Variants in SNX30 observed in about 807,000 individuals in gnomAD.
SNX30 encodes sorting nexin-30.
SNX30 carries 24 observed loss-of-function variants against 46.4 expected under a neutral mutation model. The ratio of observed to expected loss-of-function variants is 0.52; its 90% confidence interval spans 0.37 to 0.73. SNX30 has a LOEUF of 0.73. SNX30 is among the 30% of genes least tolerant of loss of function. The pLI is 0.00. For synonymous variants in SNX30, 189 were observed against 211.5 expected, an observed-to-expected ratio of 0.89 and a Z score of 0.92; for missense variants, 533 against 555.7, an observed-to-expected ratio of 0.96 and a Z score of 0.41.
chr9:112,776,423 C>A lies in SNX30; in HGVS notation c.156+25266C>A, dbSNP rs1336950692. 4.6e-5 allele frequency among the ~76,000 whole-genome samples: 7 copies of A among 152,254 alleles called. No individual in the cohort carries two copies. In the South Asian group the frequency reaches 8.3e-4, roughly 18 times the overall value. ...TGTTTAGTGTTCCCATGTTTTTGGA[C>A]CTCCTCTGACTGTGATATCTAGATG... is the stretch of plus-strand genomic sequence containing the variant. On this transcript the variant is annotated intron_variant, in intron 1 of 8. Transcript: ENST00000374232.
chr9:112,852,453 C>T (rs542239546), intron 7 of SNX30, among the ~76,000 whole-genome samples: 30 of 152,270 alleles, frequency 2.0e-4, no homozygotes, highest in Admixed American at 5.2e-4. Context: ...TGAACATTCA[C>T]AGATTTTGAT....
Position 112,750,917 on chromosome 9 carries a change from G to A in SNX30, c.-85G>A, listed in dbSNP as rs1386035362. The A allele has an allele frequency of 3.6e-5, 41 of 1,124,750 alleles. No homozygotes were observed. The East Asian group carries it at 1.4e-3, about 37-fold the overall frequency. The allele number at this position is 1,124,750 out of a possible 1,614,324, so 69.7% of individuals were successfully genotyped here. A position where few individuals can be genotyped will look rare whatever the true frequency, so the allele number is the denominator to read the frequency against. ...GCCTCGGGTTAAGCGGCGGCCGAGC[G>A]GGGCTCGGCCCGGGGTGCTCGGGGA... On this transcript the variant is annotated 5_prime_UTR_variant, in exon 1 of 9. Transcript: ENST00000374232.
At chr9:112,765,409 A>G (rs1191090806) in intron 1 of SNX30, among the ~76,000 whole-genome samples, 5 of 152,222 alleles carry the variant, frequency 3.3e-5, no homozygotes, top group Non-Finnish European at 5.9e-5. Flanking sequence ...CATTTTCATC[A>G]TCTCAAAAAG....
At position 112,804,960 on chromosome 9, in the gene SNX30, C is replaced by A. The variant is rs1466991647; in HGVS notation, c.341C>A (p.Thr114Asn). 3 of 1,590,730 alleles carry A rather than the reference C, an allele frequency of 1.9e-6. No homozygotes were observed. Among genetic ancestry groups the A allele is most frequent in the Non-Finnish European group, 2.6e-6 (3 of 1,164,966 alleles). Residue 114 changes from threonine to asparagine, a missense_variant, in exon 2 of 9, where the codon ACC becomes AAC. Physicochemically the swap from Thr to Asn is moderately conservative, Grantham distance 65 (BLOSUM62 0). This residue lies in a region of SNX30 where 191 missense variants were observed against 160.3 expected (regional missense o/e 1.19). Coordinates refer to ENST00000374232, the MANE Select transcript of SNX30 (RefSeq NM_001012994.2). ...GAGACTTACATCACCTATAGGATCA[C>A]CACCAAAGTAGGTCCCTGTGTTATA... ...TMETYITYRI[T>N]TKSTRVEFDL...
chr9:112,839,227 A>G (rs1840816925), intron 6 of SNX30, among the ~76,000 whole-genome samples: 1 of 152,248 alleles, frequency 6.6e-6, no homozygotes, highest in Admixed American at 6.5e-5. Context: ...AGGAAATTGT[A>G]AAAGAAATAA....
Position 112,836,388 on chromosome 9 carries a change from C to A in SNX30, c.793C>A (p.Arg265=). The A allele has an allele frequency of 6.3e-7, 1 of 1,596,114 alleles. No homozygotes were observed. The highest frequency in any genetic ancestry group is 8.6e-7 in the Non-Finnish European group (1 of 1,164,722). The change falls in exon 5 of 9, where the codon CGG becomes AGG. Residue 265 remains arginine (R), a synonymous_variant. Coordinates refer to ENST00000374232, the MANE Select transcript of SNX30 (RefSeq NM_001012994.2). ...GGGAACCATTGATCGAATAGCCCAGCGGATCATCAAAGAAGAAATAGGTGA... is the reference window on the plus strand; with the variant it reads ...GGGAACCATTGATCGAATAGCCCAGAGGATCATCAAAGAAGAAATAGGTGA... ...KLGTIDRIAQ[R]IIKEEIEYLV...
At chr9:112,795,772 C>CACACACACACAT (rs1840098151) in intron 1 of SNX30, among the ~76,000 whole-genome samples, 1 of 151,360 alleles carries the variant, frequency 6.6e-6, no homozygotes, top group Non-Finnish European at 1.5e-5. Flanking sequence ...CAGTCACACA[C>CACACACACACAT]ACACACACAC....
intron 3 of SNX30, among the ~76,000 whole-genome samples, chr9:112,826,617 G>T (rs1448918030): frequency 6.6e-6 from 1 of 152,030 alleles, no homozygotes; most frequent in Non-Finnish European, 1.5e-5. Flanking sequence ...GGGAGGAGGG[G>T]TTGTTTTCCA....
chr9:112,840,813 T>C (rs1263810377), intron 6 of SNX30, among the ~76,000 whole-genome samples: 1 of 148,408 alleles, frequency 6.7e-6, no homozygotes, highest in Non-Finnish European at 1.5e-5. Context: ...GGAGTCCTGC[T>C]CTGTCACCCA....
downstream of SNX30, among the ~76,000 whole-genome samples, chr9:112,883,142 T>C (rs1022820115): frequency 6.6e-6 from 1 of 152,052 alleles, no homozygotes; most frequent in African/African-American, 2.4e-5. Context: ...GGGGAACCAA[T>C]TGAGTCAGAC....
At chr9:112,853,802 G>A (rs994939922) in intron 7 of SNX30, among the ~76,000 whole-genome samples, 1 of 152,216 alleles carries the variant, frequency 6.6e-6, no homozygotes, top group Admixed American at 6.5e-5. Flanking sequence ...GGGTGGTGAT[G>A]GATGTGTTCA....
chr9:112,772,311 T>A (rs1424876900), intron 1 of SNX30, among the ~76,000 whole-genome samples: 1 of 152,208 alleles, frequency 6.6e-6, no homozygotes, highest in African/African-American at 2.4e-5. Context: ...CACCTCTTTG[T>A]AAGAGGATGC....
intron 7 of SNX30, among the ~76,000 whole-genome samples, chr9:112,863,752 C>A (rs1232204025): frequency 6.6e-6 from 1 of 152,172 alleles, no homozygotes; most frequent in East Asian, 1.9e-4. Flanking sequence ...TATTGCAATT[C>A]TCTGATTAAT....
chr9:112,832,449 AGAGAGAGAGAGTGT>A (rs1189000278), intron 4 of SNX30, among the ~76,000 whole-genome samples: 1 of 123,664 alleles, frequency 8.1e-6, no homozygotes, highest in Admixed American at 9.0e-5. Context: ...AGAGAGAGAG[AGAGAGAGAGAGTGT>A]GTGTGTGTGT....
rs1354292440 is a variant in SNX30 at position 112,869,380 on chromosome 9, T to A, written c.*537T>A. Reference sequence around the variant, plus strand: ...GTCCTTAACGTACAGTACCTGTAGCTGTGAGTGTGGCCTGCTGCCTGCTTG... The same window carrying A: ...GTCCTTAACGTACAGTACCTGTAGCAGTGAGTGTGGCCTGCTGCCTGCTTG... On this transcript the variant is annotated 3_prime_UTR_variant, in exon 9 of 9. Coordinates refer to ENST00000374232, the MANE Select transcript of SNX30 (RefSeq NM_001012994.2). 2 of 161,208 alleles carry A rather than the reference T, an allele frequency of 1.2e-5. No individual in the cohort carries two copies. The highest frequency in any genetic ancestry group is 2.7e-5 in the Non-Finnish European group (2 of 72,830). 10.0% of individuals were successfully genotyped at this position (161,208 alleles called of 1,614,324 possible). A position where few individuals can be genotyped will look rare whatever the true frequency, so the allele number is the denominator to read the frequency against.
At chr9:112,757,619 C>T (rs1196516329) in intron 1 of SNX30, among the ~76,000 whole-genome samples, 2 of 152,176 alleles carry the variant, frequency 1.3e-5, no homozygotes, top group African/African-American at 2.4e-5. Context: ...TTCCTAACAG[C>T]GTTGTACAAA....
At position 112,873,566 on chromosome 9, in the gene SNX30, G is replaced by C. The variant is rs1841478651; in HGVS notation, c.*4723G>C. On this transcript the variant is annotated 3_prime_UTR_variant, in exon 9 of 9. Transcript: ENST00000374232. ...CCATCACTAGGGTTGGCTTTGGGGA[G>C]GGGAAAACTAAGGACTGCTTTTGCC... 1 of 152,132 alleles carries C rather than the reference G, an allele frequency of 6.6e-6. No individual in the cohort carries two copies. The highest frequency in any genetic ancestry group is 1.9e-4 in the East Asian group (1 of 5,198). 9.4% of individuals were successfully genotyped at this position (152,132 alleles called of 1,614,324 possible).
At chr9:112,837,566 C>T (rs1459400441) in intron 5 of SNX30, among the ~76,000 whole-genome samples, 2 of 151,974 alleles carry the variant, frequency 1.3e-5, no homozygotes, top group East Asian at 3.9e-4. Flanking sequence ...AGCGCCGCCT[C>T]CCGGGTTCAC....
chr9:112,786,249 C>T (rs758424656), intron 1 of SNX30, among the ~76,000 whole-genome samples: 1 of 151,914 alleles, frequency 6.6e-6, no homozygotes, highest in Non-Finnish European at 1.5e-5. Flanking sequence ...TCCTGAGTAG[C>T]TGGGACTATA....
Sources: gnomAD v4.1 joint callset for allele counts (sites outside exome capture counted in the v4.1 genomes callset) on GRCh38, gnomAD v4.1.1 for gene constraint, gnomAD v4.1.1 regional missense constraint, MANE v1.5 for transcripts, NCBI Gene and HGNC (gene_info 2026-07-23, HGNC 2026-07-21) for gene names.